The following CRIP2 variants were observed in gnomAD, a reference collection of about 807,000 sequenced individuals.
CRIP2 encodes cysteine rich protein 2, also known as cysteine-rich protein 2.
In CRIP2, 31 loss-of-function variants were observed where a neutral mutation model predicts 31.3. The observed-to-expected ratio is 0.99, with a 90% CI of 0.74 to 1.34. CRIP2 has a LOEUF of 1.34. Ranked by LOEUF, CRIP2 falls within the 40% of genes most tolerant of loss-of-function variation. The pLI is 0.00. For missense variants in CRIP2, 389 were observed against 301.6 expected, an observed-to-expected ratio of 1.29 and a Z score of -2.15; for synonymous variants, 177 against 127.2, an observed-to-expected ratio of 1.39 and a Z score of -2.63.
intron 1 of CRIP2, among the ~76,000 whole-genome samples, chr14:105,477,972 C>T (rs1390728807): frequency 2.7e-4 from 41 of 149,550 alleles, no homozygotes; most frequent in African/African-American, 1.0e-3. Flanking sequence ...GCCCCTTCAC[C>T]GCAGGCACTG....
At position 105,478,689 on chromosome 14, in the gene CRIP2, C is replaced by T; in HGVS notation, c.197-42C>T. ...TTCTGAGATGCCCGGTGGCCGCGGCCCCCACCCCACGTACCCCCGCCCCAC... is the reference window on the plus strand; with the variant it reads ...TTCTGAGATGCCCGGTGGCCGCGGCTCCCACCCCACGTACCCCCGCCCCAC... On this transcript the variant is annotated intron_variant, in intron 3 of 7. Transcript: ENST00000329146. This position sits in a 1 kb window ranked among gnomAD's most constrained non-coding sequence, Gnocchi z 4.9. 1 of 1,446,174 alleles carries T rather than the reference C, an allele frequency of 6.9e-7. No homozygotes were observed. 89.6% of individuals were successfully genotyped at this position (1,446,174 alleles called of 1,614,324 possible). A position where few individuals can be genotyped will look rare whatever the true frequency, so the allele number is the denominator to read the frequency against.
rs782265452 is a variant in CRIP2 at position 105,474,850 on chromosome 14, G to C, written c.-13G>C. ...AACGGGCGGAGGGCGCGGGCCGACC[G>C]GGCGCACCGACCATGGCCTCCAAAT... On this transcript the variant is annotated 5_prime_UTR_variant, in exon 1 of 8. Coordinates refer to ENST00000329146, the MANE Select transcript of CRIP2 (RefSeq NM_001312.4). This position sits in a 1 kb window ranked among gnomAD's most constrained non-coding sequence, Gnocchi z 5.1. 3.5e-5 allele frequency: 52 copies of C among 1,483,104 alleles called. No homozygotes were observed. Among genetic ancestry groups the C allele is most frequent in the Middle Eastern group, 1.8e-4 (1 of 5,674 alleles). 91.9% of individuals were successfully genotyped at this position (1,483,104 alleles called of 1,614,324 possible).
rs377179054 is a variant in CRIP2, at chr14:105,479,538, C to T, written c.559+45C>T. 253 of 1,612,812 alleles carry T rather than the reference C, an allele frequency of 1.6e-4. 1 individual carries two copies. The highest frequency in any genetic ancestry group is 1.9e-4 in the Non-Finnish European group (226 of 1,179,854). On this transcript the variant is annotated intron_variant, in intron 7 of 7. Transcript: ENST00000329146. ...TCCACGATGTCTTCCCTGCCCTCCCCTTCCCTCCACTGTTCCCCCGACCCA... is the reference window on the plus strand; with the variant it reads ...TCCACGATGTCTTCCCTGCCCTCCCTTTCCCTCCACTGTTCCCCCGACCCA...
At position 105,478,171 on chromosome 14, in the gene CRIP2, C is replaced by A; in HGVS notation, c.44-95C>A. The A allele has an allele frequency of 3.0e-6, 3 of 1,011,524 alleles. No homozygotes were observed. Among genetic ancestry groups the A allele is most frequent in the Non-Finnish European group, 4.1e-6 (3 of 725,388 alleles). 62.7% of individuals were successfully genotyped at this position (1,011,524 alleles called of 1,614,324 possible). On this transcript the variant is annotated intron_variant, in intron 1 of 7. Transcript: ENST00000329146. The surrounding 1 kb of genome is among the most constrained non-coding windows in gnomAD (Gnocchi z 4.9). ...TGGGAGACCTCCTGAAAGTGGGGAC[C>A]CCCGGAGCGCGTGGGGGTGGTGGCT...
chr14:105,478,436 GC>G lies in CRIP2; in HGVS notation c.139-10del. 1.2e-6 allele frequency: 2 copies of G among 1,600,108 alleles called. No homozygotes were observed. Among genetic ancestry groups the G allele is most frequent in the Non-Finnish European group, 1.7e-6 (2 of 1,176,968 alleles). On this transcript the variant is annotated splice_polypyrimidine_tract_variant and intron_variant, in intron 2 of 7. Transcript: ENST00000329146. The surrounding 1 kb of genome is among the most constrained non-coding windows in gnomAD (Gnocchi z 4.9). ...ACCCTCAGGCAGGGTCCTGACCCGC[GC>G]CCCTCTGCGCAGCATGACGGGAAGC...
chr14:105,479,161 GGCCCTGCCT>G lies in CRIP2; in HGVS notation c.446_454del (p.Pro149_Leu151del). Reference sequence around the variant, plus strand: ...ACGTCTCTGGGCAAGGATTGGCACCGGCCCTGCCTGCGCTGCGAGCGCTGCGGGAAGACA... The same window carrying G: ...ACGTCTCTGGGCAAGGATTGGCACCGGCGCTGCGAGCGCTGCGGGAAGACA... On this transcript the variant is annotated inframe_deletion, in exon 6 of 8. Coordinates refer to ENST00000329146, the MANE Select transcript of CRIP2 (RefSeq NM_001312.4). 1 of 1,611,760 alleles carries G rather than the reference GGCCCTGCCT, an allele frequency of 6.2e-7. No individual in the cohort carries two copies. Among genetic ancestry groups the G allele is most frequent in the Non-Finnish European group, 8.5e-7 (1 of 1,179,494 alleles).
chr14:105,473,093 C>G (rs1555435073), upstream of CRIP2: 1 of 921,930 alleles, frequency 1.1e-6, no homozygotes, highest in African/African-American at 1.7e-5. Context: ...TGGCTTAGCC[C>G]CAGGCTCCCA....
chr14:105,475,728 A>G (rs2083918057), intron 1 of CRIP2: 4 of 722,220 alleles, frequency 5.5e-6, no homozygotes, highest in African/African-American at 1.9e-5. Context: ...GTCTGGGCTT[A>G]CTCACTCTCT....
chr14:105,477,010 GGCTGGGCCACTTGCTGAGAAAGGGA>G (rs1476949357), intron 1 of CRIP2: 3 of 177,770 alleles, frequency 1.7e-5, no homozygotes, highest in Non-Finnish European at 3.3e-5. Context: ...AGACAAAGGG[GGCTGGGCCACTTGCTGAGAAAGGGA>G]GCTGGGAGAG....
At chr14:105,477,803 G>T (rs1443554707) in intron 1 of CRIP2, among the ~76,000 whole-genome samples, 3 of 104,738 alleles carry the variant, frequency 2.9e-5, no homozygotes, top group Non-Finnish European at 6.3e-5. Context: ...AGGCAGATTT[G>T]TGGGGGGAGG....
intron 1 of CRIP2, among the ~76,000 whole-genome samples, chr14:105,475,139 G>A (rs1210523081): frequency 6.6e-6 from 1 of 152,172 alleles, no homozygotes; most frequent in Non-Finnish European, 1.5e-5. Context: ...GTGGGGGCGG[G>A]GCAGGGACCA....
At chr14:105,477,352 C>CG (rs1347849211) in intron 1 of CRIP2, 7 of 985,102 alleles carry the variant, frequency 7.1e-6, no homozygotes, top group African/African-American at 1.8e-5. Flanking sequence ...GGCATTACGG[C>CG]GGGGGGAGAG....
chr14:105,476,686 TC>T, intron 1 of CRIP2: 1 of 985,448 alleles, frequency 1.0e-6, no homozygotes, highest in Non-Finnish European at 1.2e-6. Context: ...CACCGAGACT[TC>T]CTTGCTGCTG....
At chr14:105,472,990 C>T, upstream of CRIP2, 1 of 587,434 alleles carries the variant, frequency 1.7e-6, no homozygotes. Context: ...AGGTGGTCTC[C>T]CTCCAGAAGA....
chr14:105,478,078 C>G lies in CRIP2; in HGVS notation c.44-188C>G, dbSNP rs1350939300. On this transcript the variant is annotated intron_variant, in intron 1 of 7. Transcript: ENST00000329146. The surrounding 1 kb of genome is among the most constrained non-coding windows in gnomAD (Gnocchi z 4.9). ...CTGAGACCCAGAGGGAGAACAGGGC[C>G]TGGGGGCGACGGGCTCCTCCGGGTC... Among the ~76,000 whole-genome samples, 1 of 151,402 alleles carries G rather than the reference C, an allele frequency of 6.6e-6. No individual in the cohort carries two copies. Among genetic ancestry groups the G allele is most frequent in the African/African-American group, 2.4e-5 (1 of 41,150 alleles).
chr14:105,479,658 C>T lies in CRIP2; in HGVS notation c.*5C>T. The T allele has an allele frequency of 3.7e-6, 6 of 1,610,900 alleles. No individual in the cohort carries two copies. The highest frequency in any genetic ancestry group is 5.1e-6 in the Non-Finnish European group (6 of 1,179,208). On this transcript the variant is annotated 3_prime_UTR_variant, in exon 8 of 8. Transcript: ENST00000329146. Reference sequence around the variant, plus strand: ...GAAGGCAAGGTCCAGCCCTAGGCTACAGCGGCTCTCATGATGTGGGCTCAC... The same window carrying T: ...GAAGGCAAGGTCCAGCCCTAGGCTATAGCGGCTCTCATGATGTGGGCTCAC...
rs1410185419 is a variant in CRIP2 at position 105,479,231 on chromosome 14, G to A, written c.501+12G>A. The stretch of plus-strand genomic sequence containing the variant: ...GCGGGCACGCGGAGGTGAGGGGAGT[G>A]CAACGGGGCTTGGGGGCCGGGCAGG... On this transcript the variant is annotated intron_variant, in intron 6 of 7. Transcript: ENST00000329146. 1.9e-6 allele frequency: 3 copies of A among 1,605,274 alleles called. No individual in the cohort carries two copies. The highest frequency in any genetic ancestry group is 2.6e-6 in the Non-Finnish European group (3 of 1,176,388).
chr14:105,475,980 G>A, intron 1 of CRIP2: 1 of 985,602 alleles, frequency 1.0e-6, no homozygotes, highest in African/African-American at 1.7e-5. Flanking sequence ...GGCTGGAGGG[G>A]GTTGAGGGGA....
At position 105,479,736 on chromosome 14, in the gene CRIP2, C is replaced by T; in HGVS notation, c.*83C>T. The T allele has an allele frequency of 1.4e-6, 2 of 1,444,186 alleles. No homozygotes were observed. The highest frequency in any genetic ancestry group is 1.9e-5 in the Admixed American group (1 of 51,416). The allele number at this position is 1,444,186 out of a possible 1,614,324, so 89.5% of individuals were successfully genotyped here. A position where few individuals can be genotyped will look rare whatever the true frequency, so the allele number is the denominator to read the frequency against. ...CCTGCTTGGCTCTGCTGGGAGAGTG[C>T]TCAGCCGCCCAGTCCTGCCTGCAAG... On this transcript the variant is annotated 3_prime_UTR_variant, in exon 8 of 8. Transcript: ENST00000329146.
Sources: allele counts gnomAD v4.1 joint callset (sites outside exome capture counted in the v4.1 genomes callset), GRCh38; gene constraint gnomAD v4.1.1; non-coding constraint Gnocchi (gnomAD v3.1); transcripts MANE v1.5; gene names NCBI Gene and HGNC (gene_info 2026-07-23, HGNC 2026-07-21).